The following GIMAP8 variants were observed in gnomAD, a reference collection of about 807,000 sequenced individuals.
The protein encoded by GIMAP8 is GTPase, IMAP family member 8.
A neutral mutation model predicts 35.6 loss-of-function variants in GIMAP8; 29 were observed. That is an observed-to-expected ratio of 0.81 (90% confidence interval 0.61 to 1.11). The LOEUF is 1.11. GIMAP8 is among the 50% of genes most tolerant of loss of function. The probability of loss-of-function intolerance (pLI) is 0.00; values close to 1 mark genes in which losing one functional copy is unlikely to be tolerated. For synonymous variants in GIMAP8, 335 were observed against 308.7 expected (o/e 1.09, Z -0.89); for missense variants, 811 against 805.0 (o/e 1.01, Z -0.09).
intron 2 of GIMAP8, 103 bp downstream of exon 2, chr7:150,467,437 G>C: frequency 1.1e-6 from 1 of 911,138 alleles, no homozygotes; most frequent in Non-Finnish European, 1.7e-6. Context: ...ATGGAACATG[G>C]GTTTTGTTTA....
chr7:150,465,027 C>T (rs1457680214), intron 1 of GIMAP8, among the ~76,000 whole-genome samples: 1 of 152,152 alleles, frequency 6.6e-6, no homozygotes, highest in Non-Finnish European at 1.5e-5. Context: ...ATGTGTGTCA[C>T]ATTCTTATCT....
intron 3 of GIMAP8, among the ~76,000 whole-genome samples, chr7:150,473,810 A>G (rs1369688324): frequency 6.6e-6 from 1 of 152,008 alleles, no homozygotes; most frequent in Non-Finnish European, 1.5e-5. Context: ...CATAAGCTCC[A>G]TGAATATCTC....
At chr7:150,470,483 G>T (rs1011625181) in intron 2 of GIMAP8, among the ~76,000 whole-genome samples, 10 of 152,030 alleles carry the variant, frequency 6.6e-5, no homozygotes, top group Non-Finnish European at 1.5e-4. Context: ...TGCCAGACTT[G>T]GGGGGGTGGG....
At chr7:150,453,719 C>A (rs1221062210) in intron 1 of GIMAP8, among the ~76,000 whole-genome samples, 1 of 152,204 alleles carries the variant, frequency 6.6e-6, no homozygotes, top group Non-Finnish European at 1.5e-5. Flanking sequence ...TCTCATGGAA[C>A]TCACCTGTAG....
chr7:150,454,183 G>A (rs996520230), intron 1 of GIMAP8, among the ~76,000 whole-genome samples: 1 of 152,012 alleles, frequency 6.6e-6, no homozygotes, highest in Non-Finnish European at 1.5e-5. Flanking sequence ...TGAGGTCAGA[G>A]AGCAGCTGGG....
At position 150,467,304 on chromosome 7, in the gene GIMAP8, G is replaced by C; in HGVS notation, c.606G>C (p.Val202=). 6.2e-7 allele frequency: 1 copy of C among 1,613,132 alleles called. No homozygotes were observed. The highest frequency in any genetic ancestry group is 1.1e-5 in the South Asian group (1 of 91,062). Residue 202 remains valine, a synonymous_variant, in exon 2 of 5, where the codon GTG becomes GTC. Coordinates refer to ENST00000307271, the MANE Select transcript of GIMAP8 (RefSeq NM_175571.4). ...LVNTNGGPYH[V]NFKTEGSRFQ... is the part of the protein sequence containing the mutation. ...ATACGAACGGAGGACCCTATCATGT[G>C]AACTTCAAAACTGAAGGCAGCAGGT... is the stretch of plus-strand genomic sequence containing the variant.
chr7:150,462,511 C>A (rs1053406388), intron 1 of GIMAP8, among the ~76,000 whole-genome samples: 1 of 152,120 alleles, frequency 6.6e-6, no homozygotes, highest in African/African-American at 2.4e-5. Flanking sequence ...TTAAGCATTT[C>A]TTGTAGGGTT....
rs1167076243 is a variant in GIMAP8, at chr7:150,477,870, C to T, written c.*90C>T. 7 of 1,035,082 alleles carry T rather than the reference C, an allele frequency of 6.8e-6. No homozygotes were observed. The highest frequency in any genetic ancestry group is 1.6e-5 in the South Asian group (1 of 62,294). 64.1% of individuals were successfully genotyped at this position (1,035,082 alleles called of 1,614,324 possible). On this transcript the variant is annotated 3_prime_UTR_variant, in exon 5 of 5. Coordinates refer to ENST00000307271, the MANE Select transcript of GIMAP8 (RefSeq NM_175571.4). Reference sequence around the variant, plus strand: ...ATGGTACAACCTGTGGGAAGGGAAGCGGGTTCATGGCTTTGAGGGCCTGAG... The same window carrying T: ...ATGGTACAACCTGTGGGAAGGGAAGTGGGTTCATGGCTTTGAGGGCCTGAG...
intron 1 of GIMAP8, among the ~76,000 whole-genome samples, chr7:150,460,620 A>AGAAC (rs1438238378): frequency 1.3e-5 from 2 of 152,248 alleles, no homozygotes; most frequent in Non-Finnish European, 2.9e-5. Flanking sequence ...TAGTGCCTGC[A>AGAAC]TATTGTGCAG....
rs551369499 is a variant in GIMAP8 at position 150,475,843 on chromosome 7, A to G, written c.1309+1205A>G. ...CAGAAAGCTGGAAGATATTCCAGAGAGTACACCAGCAATTTGAAGCAAAGA... is the reference window on the plus strand; with the variant it reads ...CAGAAAGCTGGAAGATATTCCAGAGGGTACACCAGCAATTTGAAGCAAAGA... On this transcript the variant is annotated intron_variant, in intron 4 of 4. Transcript: ENST00000307271. Among the ~76,000 whole-genome samples, 3 of 152,382 alleles carry G rather than the reference A, an allele frequency of 2.0e-5. No individual in the cohort carries two copies. The East Asian group carries it at 5.8e-4, about 29-fold the overall frequency.
At chr7:150,459,433 G>A (rs1801798719) in intron 1 of GIMAP8, among the ~76,000 whole-genome samples, 1 of 152,176 alleles carries the variant, frequency 6.6e-6, no homozygotes, top group African/African-American at 2.4e-5. Context: ...ATAAGACCTT[G>A]AGGATGCGAA....
At chr7:150,452,709 T>TATATATATATATATATATATATAC (rs1373884339) in intron 1 of GIMAP8, among the ~76,000 whole-genome samples, 3 of 106,622 alleles carry the variant, frequency 2.8e-5, no homozygotes, top group South Asian at 3.2e-4. Context: ...TATATATATA[T>TATATATATATATATATATATATAC]ACATGCGAGT....
intron 1 of GIMAP8, among the ~76,000 whole-genome samples, chr7:150,465,510 T>A (rs1801935913): frequency 6.6e-6 from 1 of 152,238 alleles, no homozygotes; most frequent in Non-Finnish European, 1.5e-5. Flanking sequence ...GGTCAGGGTC[T>A]CTTGGGCAAT....
At chr7:150,455,459 T>C (rs2116585996) in intron 1 of GIMAP8, among the ~76,000 whole-genome samples, 1 of 152,344 alleles carries the variant, frequency 6.6e-6, no homozygotes, top group Non-Finnish European at 1.5e-5. Context: ...GAAGATGTTC[T>C]GGTTCAGGAA....
In GIMAP8 at chr7:150,477,547, C is replaced by G. The variant is rs139453539; in HGVS notation, c.1765C>G (p.Arg589Gly). 4.3e-5 allele frequency: 70 copies of G among 1,614,092 alleles called. No individual in the cohort carries two copies. In the East Asian group the frequency reaches 1.0e-3, roughly 24 times the overall value. ...MKNSDNKALR[R>G]IFKKCGRRVC... ...GAACTCAGATAACAAAGCCCTTCGG[C>G]GCATTTTTAAAAAGTGTGGGCGGCG... Residue 589 changes from arginine to glycine, a missense_variant, in exon 5 of 5, where the codon CGC (arginine) becomes GGC (glycine). Coordinates refer to ENST00000307271, the MANE Select transcript of GIMAP8 (RefSeq NM_175571.4).
chr7:150,477,498 G>A lies in GIMAP8; in HGVS notation c.1716G>A (p.Ala572=). The A allele has an allele frequency of 6.2e-7, 1 of 1,614,172 alleles. No homozygotes were observed. The highest frequency in any genetic ancestry group is 8.5e-7 in the Non-Finnish European group (1 of 1,180,034). ...MLFTRKEDLG[A]GNLEDFMKNS... is the part of the protein sequence containing the mutation. ...TCACCCGGAAGGAAGACCTAGGGGC[G>A]GGGAATTTGGAAGACTTCATGAAGA... The change falls in exon 5 of 5, where the codon GCG becomes GCA. Residue 572 remains alanine, a synonymous_variant. Transcript: ENST00000307271.
intron 1 of GIMAP8, among the ~76,000 whole-genome samples, chr7:150,463,161 A>T (rs1056985746): frequency 6.6e-6 from 1 of 151,912 alleles, no homozygotes; most frequent in African/African-American, 2.4e-5. Context: ...TCATGGAATT[A>T]TTCAGGTCCA....
intron 1 of GIMAP8, among the ~76,000 whole-genome samples, chr7:150,459,642 A>G (rs913725082): frequency 3.9e-5 from 6 of 152,228 alleles, no homozygotes; most frequent in African/African-American, 7.2e-5. Flanking sequence ...AGCTGGTGCT[A>G]TAACTGAATC....
intron 4 of GIMAP8, among the ~76,000 whole-genome samples, chr7:150,476,110 G>C (rs1173956583): frequency 6.6e-6 from 1 of 152,190 alleles, no homozygotes; most frequent in African/African-American, 2.4e-5. Flanking sequence ...GGGAGTGTTG[G>C]AAGATTAAGC....
Sources: gnomAD v4.1 joint callset for allele counts (sites outside exome capture counted in the v4.1 genomes callset) on GRCh38, gnomAD v4.1.1 for gene constraint, MANE v1.5 for transcripts, NCBI Gene and HGNC (gene_info 2026-07-23, HGNC 2026-07-21) for gene names.